SLC25A13: variants seen among roughly 807,000 people sequenced by gnomAD.
SLC25A13 encodes the protein electrogenic aspartate/glutamate antiporter SLC25A13, mitochondrial.
A neutral mutation model predicts 85.5 loss-of-function variants in SLC25A13; 70 were observed. That is an observed-to-expected ratio of 0.82 (90% CI 0.68 to 1.00). SLC25A13 has a LOEUF of 1.00. Ranked by LOEUF, SLC25A13 falls within the 50% of genes least tolerant of loss-of-function variation. SLC25A13 has a pLI of 0.00. For missense variants in SLC25A13, 765 were observed against 819.8 expected (o/e 0.93, Z 0.82); for synonymous variants, 259 against 288.7 (o/e 0.90, Z 1.04).
intron 11 of SLC25A13, among the ~76,000 whole-genome samples, chr7:96,177,975 T>C (rs1193917412): frequency 6.6e-6 from 1 of 152,166 alleles, no homozygotes; most frequent in Admixed American, 6.5e-5. Flanking sequence ...GTTCTGAAAC[T>C]TTTCTCTAGG....
At chr7:96,199,816 T>C (rs1584445180) in intron 5 of SLC25A13, among the ~76,000 whole-genome samples, 3 of 152,184 alleles carry the variant, frequency 2.0e-5, no homozygotes, top group African/African-American at 7.2e-5. Context: ...AGAATAAACA[T>C]ATATAGGGGT....
chr7:96,223,327 T>A (rs913592284), intron 4 of SLC25A13, among the ~76,000 whole-genome samples: 2 of 152,236 alleles, frequency 1.3e-5, no homozygotes, highest in African/African-American at 4.8e-5. Context: ...TGAAATCTTG[T>A]TCAGTGTACT....
At chr7:96,212,956 T>A (rs529833241) in intron 4 of SLC25A13, among the ~76,000 whole-genome samples, 4 of 152,336 alleles carry the variant, frequency 2.6e-5, no homozygotes, top group Admixed American at 2.0e-4. Flanking sequence ...GCCATTCTAA[T>A]TGGAGAAGCC....
chr7:96,238,290 A>G (rs371565836), intron 3 of SLC25A13, among the ~76,000 whole-genome samples: 42 of 152,262 alleles, frequency 2.8e-4, no homozygotes, highest in African/African-American at 8.7e-4. Context: ...AGAAGACAGG[A>G]AAGAAGCACG....
At chr7:96,307,383 G>A (rs1000343939) in intron 1 of SLC25A13, among the ~76,000 whole-genome samples, 18 of 152,118 alleles carry the variant, frequency 1.2e-4, no homozygotes, top group Non-Finnish European at 2.4e-4. Context: ...AGATAGGATG[G>A]CTGAGTTTGC....
intron 14 of SLC25A13, among the ~76,000 whole-genome samples, chr7:96,144,424 G>GT (rs1792693731): frequency 6.6e-6 from 1 of 152,194 alleles, no homozygotes; most frequent in Admixed American, 6.5e-5. Flanking sequence ...CAAGGTTCCA[G>GT]AAGCTCAAAG....
intron 5 of SLC25A13, among the ~76,000 whole-genome samples, chr7:96,207,586 A>G (rs905064772): frequency 1.3e-5 from 2 of 152,256 alleles, no homozygotes; most frequent in African/African-American, 4.8e-5. Context: ...TATTTAATAA[A>G]GTATAAATAA....
At chr7:96,274,048 A>G (rs565661636) in intron 3 of SLC25A13, among the ~76,000 whole-genome samples, 169 of 152,320 alleles carry the variant, frequency 1.1e-3, no homozygotes, top group South Asian at 3.5e-3. Context: ...AACAAAGGTA[A>G]GAAGGTTAAA....
chr7:96,307,268 C>T (rs1274459114), intron 1 of SLC25A13, among the ~76,000 whole-genome samples: 1 of 151,948 alleles, frequency 6.6e-6, no homozygotes, highest in Non-Finnish European at 1.5e-5. Context: ...GTACAGAACA[C>T]CTATTTGAAG....
intron 13 of SLC25A13, among the ~76,000 whole-genome samples, chr7:96,146,976 T>C (rs1239650568): frequency 1.3e-5 from 2 of 152,130 alleles, no homozygotes; most frequent in Non-Finnish European, 2.9e-5. Context: ...AAATTACAAA[T>C]GCTCCTTGAA....
chr7:96,120,626 G>A lies in SLC25A13; in HGVS notation c.*565C>T, dbSNP rs1237672831. 2 of 454,456 alleles carry A rather than the reference G, an allele frequency of 4.4e-6. No individual in the cohort carries two copies. The highest frequency in any genetic ancestry group is 4.7e-5 in the Admixed American group (2 of 42,570). 28.2% of individuals were successfully genotyped at this position (454,456 alleles called of 1,614,324 possible). ...AATATGATTACTAAACATCTCCAAT[G>A]TGGTTTTCATTACAAAGAAACATGT... On this transcript the variant is annotated 3_prime_UTR_variant, in exon 18 of 18. Transcript: ENST00000265631.
chr7:96,229,663 T>C (rs1193081887), intron 4 of SLC25A13, among the ~76,000 whole-genome samples: 3 of 150,896 alleles, frequency 2.0e-5, no homozygotes, highest in Admixed American at 1.3e-4. Context: ...CCGGGAGGTA[T>C]GAACAACTCT....
chr7:96,137,483 T>C (rs1476441009), intron 14 of SLC25A13, among the ~76,000 whole-genome samples: 1 of 152,184 alleles, frequency 6.6e-6, no homozygotes, highest in Non-Finnish European at 1.5e-5. Context: ...TCTAGTATTG[T>C]ACACTGCTTT....
chr7:96,263,933 C>T (rs1307967227), intron 3 of SLC25A13, among the ~76,000 whole-genome samples: 1 of 152,122 alleles, frequency 6.6e-6, no homozygotes, highest in Non-Finnish European at 1.5e-5. Context: ...TAAACACATC[C>T]CAATTGATCA....
At chr7:96,254,012 G>T (rs1185914545) in intron 3 of SLC25A13, among the ~76,000 whole-genome samples, 3 of 152,160 alleles carry the variant, frequency 2.0e-5, no homozygotes, top group African/African-American at 7.2e-5. Context: ...CTGTGTGTGT[G>T]TGCTGTATGT....
intron 14 of SLC25A13, among the ~76,000 whole-genome samples, chr7:96,140,994 T>G (rs1475834126): frequency 1.3e-5 from 2 of 151,458 alleles, no homozygotes; most frequent in African/African-American, 4.8e-5. Context: ...CATATTAATT[T>G]TGCGCATTCC....
chr7:96,127,731 G>C (rs1351216217), intron 15 of SLC25A13, among the ~76,000 whole-genome samples: 2 of 152,134 alleles, frequency 1.3e-5, no homozygotes, highest in Non-Finnish European at 2.9e-5. Context: ...TATAAAAATA[G>C]CCATGAGACA....
intron 3 of SLC25A13, among the ~76,000 whole-genome samples, chr7:96,245,953 G>A (rs937383371): frequency 6.6e-6 from 1 of 152,204 alleles, no homozygotes; most frequent in African/African-American, 2.4e-5. Context: ...AATGGCAAAT[G>A]AAGAAGGATA....
chr7:96,307,429 G>A (rs1263601790), intron 1 of SLC25A13, among the ~76,000 whole-genome samples: 1 of 152,140 alleles, frequency 6.6e-6, no homozygotes, highest in African/African-American at 2.4e-5. Context: ...AGCCAGGCAT[G>A]GTGGCATGTG....
Sources: allele counts gnomAD v4.1 joint callset (sites outside exome capture counted in the v4.1 genomes callset), GRCh38; gene constraint gnomAD v4.1.1; transcripts MANE v1.5; gene names NCBI Gene and HGNC (gene_info 2026-07-23, HGNC 2026-07-21).